RNF144A: variants seen among roughly 807,000 people sequenced by gnomAD.
RNF144A encodes the protein ring finger protein 144A, also known as E3 ubiquitin-protein ligase RNF144A.
RNF144A carries 11 observed loss-of-function variants against 38.7 expected under a neutral mutation model. That is an observed-to-expected ratio of 0.28 (90% CI 0.18 to 0.47). The LOEUF is 0.47. Among genes scored for constraint, RNF144A ranks in the 20% least tolerant of loss-of-function variants. The pLI is 0.99. For missense variants in RNF144A, 316 were observed against 377.2 expected (o/e 0.84, Z 1.34); for synonymous variants, 149 against 143.9 (o/e 1.04, Z -0.25).
chr2:6,936,586 A>G (rs1004430043), intron 1 of RNF144A, among the ~76,000 whole-genome samples: 1 of 152,218 alleles, frequency 6.6e-6, no homozygotes, highest in Non-Finnish European at 1.5e-5. Context: ...ATCCTTTTCT[A>G]TATTGATAGA....
chr2:7,046,253 A>G (rs1673303596), downstream of RNF144A, among the ~76,000 whole-genome samples: 1 of 152,228 alleles, frequency 6.6e-6, no homozygotes, highest in South Asian at 2.1e-4. Flanking sequence ...ATTTAAAAAC[A>G]GCAATTGCTG....
At chr2:6,923,748 G>C (rs963192401) in intron 1 of RNF144A, among the ~76,000 whole-genome samples, 1 of 151,904 alleles carries the variant, frequency 6.6e-6, no homozygotes, top group Non-Finnish European at 1.5e-5. Flanking sequence ...GTTCTCTCTC[G>C]TCTTCCCAGG....
chr2:7,028,933 C>T (rs1672096773), intron 7 of RNF144A, among the ~76,000 whole-genome samples: 1 of 152,204 alleles, frequency 6.6e-6, no homozygotes, highest in African/African-American at 2.4e-5. Context: ...GATGGCCCTC[C>T]ATTCACTGTG....
chr2:7,047,788 T>C (rs1673368401), downstream of RNF144A, among the ~76,000 whole-genome samples: 1 of 152,212 alleles, frequency 6.6e-6, no homozygotes, highest in South Asian at 2.1e-4. Context: ...AGGCATTTGC[T>C]CACTGCTTTC....
intron 1 of RNF144A, among the ~76,000 whole-genome samples, chr2:6,922,798 G>A (rs1365653340): frequency 6.6e-6 from 1 of 152,066 alleles, no homozygotes; most frequent in South Asian, 2.1e-4. Flanking sequence ...ATAATTGTTT[G>A]TATTTTTAGT....
chr2:7,057,648 G>C (rs933727896), intron 6 of RNF144A, among the ~76,000 whole-genome samples: 1 of 152,172 alleles, frequency 6.6e-6, no homozygotes, highest in African/African-American at 2.4e-5. Flanking sequence ...GCAGGAGAGA[G>C]GTTCCATTCA....
intron 2 of RNF144A, among the ~76,000 whole-genome samples, chr2:6,976,491 A>C (rs1167704776): frequency 6.6e-6 from 1 of 151,538 alleles, no homozygotes; most frequent in African/African-American, 2.4e-5. Context: ...TTTGGGATAC[A>C]TTTTGCAATG....
intron 1 of RNF144A, among the ~76,000 whole-genome samples, chr2:6,932,569 T>TAA (rs1665270881): frequency 6.6e-6 from 1 of 152,160 alleles, no homozygotes; most frequent in African/African-American, 2.4e-5. Flanking sequence ...CTCACCATTC[T>TAA]AAATAAACTA....
chr2:6,999,444 G>C (rs947648999), intron 3 of RNF144A, among the ~76,000 whole-genome samples: 2 of 152,120 alleles, frequency 1.3e-5, no homozygotes, highest in Non-Finnish European at 2.9e-5. Flanking sequence ...GTCCTTTTTT[G>C]GGGGGTGCAG....
rs562517842 is a variant in RNF144A, at chr2:6,964,393, C to A, written c.-12+23246C>A. ...GGTGGGACTGTAAATTAGTTCAACC[C>A]TTGTGGAAGTCAGTGTGGCAATTCC... On this transcript the variant is annotated intron_variant, in intron 2 of 8. Transcript: ENST00000320892. 7.2e-5 allele frequency among the ~76,000 whole-genome samples: 11 copies of A among 152,292 alleles called. No homozygotes were observed. The East Asian group carries it at 1.7e-3, about 24-fold the overall frequency.
intron 6 of RNF144A, chr2:7,068,161 G>A: frequency 1.1e-6 from 1 of 915,796 alleles, no homozygotes; most frequent in South Asian, 1.4e-5. Context: ...AAGTATCATT[G>A]AGTAAGCTTT....
At chr2:7,074,024 G>T in the RNF144A span, among the ~76,000 whole-genome samples, 1 of 152,172 alleles carries the variant, frequency 6.6e-6, no homozygotes, top group Non-Finnish European at 1.5e-5. Context: ...CAGAGCCCTT[G>T]CCCTATCCTC....
At chr2:6,983,395 C>G (rs1182122169) in intron 2 of RNF144A, among the ~76,000 whole-genome samples, 2 of 152,182 alleles carry the variant, frequency 1.3e-5, no homozygotes, top group African/African-American at 4.8e-5. Flanking sequence ...GGAGACAGTG[C>G]TGACTTGCCC....
At chr2:6,919,981 A>G (rs1214195162) in intron 1 of RNF144A, among the ~76,000 whole-genome samples, 2 of 152,196 alleles carry the variant, frequency 1.3e-5, no homozygotes, top group Non-Finnish European at 2.9e-5. Flanking sequence ...TAATCCCTGT[A>G]TCCAGACTGT....
In RNF144A at chr2:7,030,207, C is replaced by G. The variant is rs1245205293; in HGVS notation, c.739C>G (p.Arg247Gly). ...CTCCCGGGCATCTGTGATCTGGCAT[C>G]GGACACAGGTAGGAGGTGATTTGCC... ...GHSRASVIWH[R>G]TQVVGIFAGF... Residue 247 changes from arginine to glycine, a missense_variant, in exon 8 of 9, where the codon CGG (arginine) becomes GGG (glycine). Physicochemically the swap from Arg to Gly is moderately radical, Grantham distance 125. Transcript: ENST00000320892. The G allele has an allele frequency of 6.2e-7, 1 of 1,610,858 alleles. No homozygotes were observed. The highest frequency in any genetic ancestry group is 1.1e-5 in the South Asian group (1 of 90,992).
chr2:6,986,438 G>A (rs700943), intron 2 of RNF144A, among the ~76,000 whole-genome samples: 43,795 of 151,822 alleles, frequency 0.29, 6,495 homozygotes, highest in African/African-American at 0.32. Context: ...CCATTGTGCC[G>A]GGCCTGCCCC....
chr2:6,948,955 T>A (rs1463684057), intron 2 of RNF144A, among the ~76,000 whole-genome samples: 1 of 152,170 alleles, frequency 6.6e-6, no homozygotes, highest in Non-Finnish European at 1.5e-5. Context: ...GTGAAGTCCA[T>A]TGGTGGACGA....
intron 6 of RNF144A, among the ~76,000 whole-genome samples, chr2:7,066,652 C>T (rs188647845): frequency 1.5e-3 from 235 of 152,232 alleles, no homozygotes; most frequent in African/African-American, 5.2e-3. Flanking sequence ...TCAGATATGA[C>T]GACTTTAAGA....
At chr2:7,000,822 A>G (rs1670045132) in intron 3 of RNF144A, among the ~76,000 whole-genome samples, 2 of 151,234 alleles carry the variant, frequency 1.3e-5, no homozygotes, top group South Asian at 2.1e-4. Context: ...GCCAAATAAA[A>G]CATACATATA....
Sources: allele counts gnomAD v4.1 joint callset (sites outside exome capture counted in the v4.1 genomes callset), GRCh38; gene constraint gnomAD v4.1.1; transcripts MANE v1.5; gene names NCBI Gene and HGNC (gene_info 2026-07-23, HGNC 2026-07-21).